Variants in LRRTM4 observed in about 807,000 individuals in gnomAD.
The protein encoded by LRRTM4 is leucine-rich repeat transmembrane neuronal protein 4.
LRRTM4 carries 25 observed loss-of-function variants against 47.6 expected under a neutral mutation model. The observed-to-expected ratio is 0.53, with a 90% confidence interval of 0.38 to 0.73. The LOEUF is 0.73. Among genes scored for constraint, LRRTM4 ranks in the 30% least tolerant of loss-of-function variants. The probability of loss-of-function intolerance (pLI) is 0.00; values close to 1 mark genes in which losing one functional copy is unlikely to be tolerated. For synonymous variants in LRRTM4, 311 were observed against 269.5 expected, an observed-to-expected ratio of 1.15 and a Z score of -1.51; for missense variants, 638 against 713.4, an observed-to-expected ratio of 0.89 and a Z score of 1.20.
intron 3 of LRRTM4, among the ~76,000 whole-genome samples, chr2:77,246,950 C>G (rs908715957): frequency 6.6e-6 from 1 of 151,890 alleles, no homozygotes; most frequent in Non-Finnish European, 1.5e-5. Context: ...TTCCCAGAGG[C>G]AAATATGCCA....
At chr2:76,966,887 T>C (rs1676042420) in intron 3 of LRRTM4, among the ~76,000 whole-genome samples, 1 of 151,548 alleles carries the variant, frequency 6.6e-6, no homozygotes, top group African/African-American at 2.4e-5. Context: ...TGTATTGCCT[T>C]CATTGTTCAT....
rs1459530071 is a variant in LRRTM4 at position 77,077,137 on chromosome 2, CTA to C, written c.1552-328223_1552-328222del. 3.3e-5 allele frequency among the ~76,000 whole-genome samples: 5 copies of C among 152,202 alleles called. No individual in the cohort carries two copies. In the South Asian group the frequency reaches 8.3e-4, roughly 25 times the overall value. ...AGAGTATCACACCATATGCAAAATT[CTA>C]TAGAGGTAGAATAAAGGATAACTAT... On this transcript the variant is annotated intron_variant, in intron 3 of 3. Transcript: ENST00000409884.
At chr2:76,770,455 T>C (rs1673648703) in intron 3 of LRRTM4, among the ~76,000 whole-genome samples, 1 of 152,112 alleles carries the variant, frequency 6.6e-6, no homozygotes, top group African/African-American at 2.4e-5. Flanking sequence ...TTCTGGAGGG[T>C]AAGGTTTGTG....
intron 3 of LRRTM4, among the ~76,000 whole-genome samples, chr2:76,825,459 A>C (rs899035804): frequency 1.3e-5 from 2 of 151,728 alleles, no homozygotes; most frequent in African/African-American, 2.4e-5. Flanking sequence ...AATGATTTCT[A>C]ACTACTTGAC....
At chr2:77,123,355 T>C (rs1459469309) in intron 3 of LRRTM4, among the ~76,000 whole-genome samples, 7 of 152,102 alleles carry the variant, frequency 4.6e-5, no homozygotes, top group Non-Finnish European at 8.8e-5. Flanking sequence ...ATAATATTTC[T>C]TCCTCTTTTC....
At chr2:77,272,726 ACT>A (rs1429694576) in intron 3 of LRRTM4, among the ~76,000 whole-genome samples, 1 of 151,554 alleles carries the variant, frequency 6.6e-6, no homozygotes, top group Non-Finnish European at 1.5e-5. Context: ...GTGAATTCTC[ACT>A]CTATTTGATC....
At chr2:77,001,971 T>G (rs547057291) in intron 3 of LRRTM4, among the ~76,000 whole-genome samples, 1 of 152,294 alleles carries the variant, frequency 6.6e-6, no homozygotes, top group Non-Finnish European at 1.5e-5. Flanking sequence ...ATTTGGAGCC[T>G]TCTCATGCCT....
intron 3 of LRRTM4, among the ~76,000 whole-genome samples, chr2:77,334,021 A>T (rs1447197794): frequency 1.3e-5 from 2 of 152,164 alleles, no homozygotes; most frequent in Non-Finnish European, 2.9e-5. Flanking sequence ...TTTAATATTT[A>T]ACTGCCCCGC....
At chr2:77,376,691 T>C (rs1444202459) in intron 3 of LRRTM4, among the ~76,000 whole-genome samples, 1 of 151,860 alleles carries the variant, frequency 6.6e-6, no homozygotes, top group Non-Finnish European at 1.5e-5. Flanking sequence ...TAAAGTGCTA[T>C]TCTCATAATT....
At chr2:76,998,048 A>G (rs1237984726) in intron 3 of LRRTM4, among the ~76,000 whole-genome samples, 4 of 152,124 alleles carry the variant, frequency 2.6e-5, no homozygotes, top group Non-Finnish European at 5.9e-5. Context: ...GGTGAGTTGT[A>G]TAATTATTTC....
chr2:77,458,125 C>T (rs1319979931), intron 3 of LRRTM4, among the ~76,000 whole-genome samples: 1 of 152,006 alleles, frequency 6.6e-6, no homozygotes, highest in Non-Finnish European at 1.5e-5. Flanking sequence ...TTTTTTTACC[C>T]CTCAGAGTAC....
chr2:77,103,665 A>ATC (rs1671018776), intron 3 of LRRTM4, among the ~76,000 whole-genome samples: 1 of 145,490 alleles, frequency 6.9e-6, no homozygotes, highest in African/African-American at 2.6e-5. Flanking sequence ...ATATATATAG[A>ATC]TATATATATC....
intron 3 of LRRTM4, among the ~76,000 whole-genome samples, chr2:77,026,965 C>T (rs1179479706): frequency 1.3e-5 from 2 of 152,022 alleles, no homozygotes; most frequent in Non-Finnish European, 2.9e-5. Context: ...CAAAGAAAAT[C>T]ACCCTTTCCC....
At chr2:77,485,775 G>A (rs1368340386) in intron 3 of LRRTM4, among the ~76,000 whole-genome samples, 1 of 152,134 alleles carries the variant, frequency 6.6e-6, no homozygotes, top group African/African-American at 2.4e-5. Context: ...CCATTATTCA[G>A]GCTGCAGTAG....
chr2:77,381,686 G>A (rs1462232575), intron 3 of LRRTM4, among the ~76,000 whole-genome samples: 2 of 151,930 alleles, frequency 1.3e-5, no homozygotes, highest in Non-Finnish European at 2.9e-5. Flanking sequence ...TTAATGTTTT[G>A]ATGAAAGTTC....
At chr2:77,271,968 A>G (rs1190026056) in intron 3 of LRRTM4, among the ~76,000 whole-genome samples, 5 of 152,140 alleles carry the variant, frequency 3.3e-5, no homozygotes, top group Non-Finnish European at 7.4e-5. Context: ...CTTTCAAGCC[A>G]TTATACTTGC....
chr2:77,318,158 C>T (rs1366089333), intron 3 of LRRTM4, among the ~76,000 whole-genome samples: 1 of 151,934 alleles, frequency 6.6e-6, no homozygotes, highest in Non-Finnish European at 1.5e-5. Flanking sequence ...AGGCGCCCGC[C>T]ACCACGCCCC....
At chr2:77,303,100 C>T (rs1046698566) in intron 3 of LRRTM4, among the ~76,000 whole-genome samples, 2 of 152,042 alleles carry the variant, frequency 1.3e-5, no homozygotes, top group Non-Finnish European at 2.9e-5. Context: ...TATGTATCTG[C>T]CTCACTCCCT....
At chr2:77,258,596 G>T (rs59180359) in intron 3 of LRRTM4, among the ~76,000 whole-genome samples, 13,205 of 147,584 alleles carry the variant, frequency 0.089, 707 homozygotes, top group East Asian at 0.32. Context: ...TAAAAATTAG[G>T]AAAAAAAAAC....
Sources: gnomAD v4.1 joint callset for allele counts (sites outside exome capture counted in the v4.1 genomes callset) on GRCh38, gnomAD v4.1.1 for gene constraint, MANE v1.5 for transcripts, NCBI Gene and HGNC (gene_info 2026-07-23, HGNC 2026-07-21) for gene names.